NR1H4: variants seen among roughly 807,000 people sequenced by gnomAD.
NR1H4 encodes the protein bile acid receptor.
A neutral mutation model predicts 58.5 loss-of-function variants in NR1H4; 23 were observed. That is an observed-to-expected ratio of 0.39 (90% CI 0.28 to 0.56). NR1H4 has a LOEUF of 0.56. Among genes scored for constraint, NR1H4 ranks in the 20% least tolerant of loss-of-function variants. The pLI, the probability that NR1H4 is intolerant of heterozygous loss-of-function variation, is 0.58. For missense variants in NR1H4, 487 were observed against 576.9 expected, an observed-to-expected ratio of 0.84 and a Z score of 1.60; for synonymous variants, 214 against 198.0, an observed-to-expected ratio of 1.08 and a Z score of -0.68.
At chr12:100,523,564 G>A (rs780636435) in intron 4 of NR1H4, among the ~76,000 whole-genome samples, 5 of 151,916 alleles carry the variant, frequency 3.3e-5, no homozygotes, top group Non-Finnish European at 5.9e-5. Flanking sequence ...GTTTAATCAG[G>A]TCCCATTTAT....
chr12:100,479,538 A>G (rs1953336079), intron 1 of NR1H4, among the ~76,000 whole-genome samples: 1 of 152,150 alleles, frequency 6.6e-6, no homozygotes, highest in South Asian at 2.1e-4. Context: ...TTCCCTTCCT[A>G]TAGCCATCCC....
At chr12:100,494,452 A>T (rs1469429871) in intron 3 of NR1H4, among the ~76,000 whole-genome samples, 1 of 152,238 alleles carries the variant, frequency 6.6e-6, no homozygotes, top group Non-Finnish European at 1.5e-5. Flanking sequence ...GCACTTGATA[A>T]ATAAGAGTCC....
chr12:100,554,305 C>T (rs1955273274), intron 9 of NR1H4, among the ~76,000 whole-genome samples: 2 of 151,752 alleles, frequency 1.3e-5, no homozygotes, highest in African/African-American at 4.8e-5. Context: ...ATGCTCAGTC[C>T]ATCTTGAGGA....
At chr12:100,497,854 C>CATAAAAAACATAAAAA (rs1315011026) in intron 3 of NR1H4, among the ~76,000 whole-genome samples, 2 of 152,128 alleles carry the variant, frequency 1.3e-5, no homozygotes, top group African/African-American at 4.8e-5. Context: ...TTACTTTTAG[C>CATAAAAAACATAAAAA]AAATTATGTT....
chr12:100,511,054 G>T lies in NR1H4; in HGVS notation c.356G>T (p.Gly119Val). 6.2e-7 allele frequency: 1 copy of T among 1,614,264 alleles called. No individual in the cohort carries two copies. Among genetic ancestry groups the T allele is most frequent in the Non-Finnish European group, 8.5e-7 (1 of 1,180,046 alleles). ...AAGCCCCGCATGGGCGCGTCAGCAGGGAGGATCAAAGGGGATGAGCTGTGT... is the reference window on the plus strand; with the variant it reads ...AAGCCCCGCATGGGCGCGTCAGCAGTGAGGATCAAAGGGGATGAGCTGTGT... ...TKKPRMGASA[G>V]RIKGDELCVV... Residue 119 changes from glycine to valine, a missense_variant, in exon 4 of 11, where the codon GGG (glycine) becomes GTG (valine). Coordinates refer to ENST00000392986, the MANE Select transcript of NR1H4 (RefSeq NM_001206979.2).
chr12:100,550,470 T>A (rs1955179647), intron 9 of NR1H4, among the ~76,000 whole-genome samples: 1 of 152,264 alleles, frequency 6.6e-6, no homozygotes, highest in Non-Finnish European at 1.5e-5. Context: ...GTTCAGGCAA[T>A]TCTCCAGCCT....
chr12:100,521,904 G>C (rs148495125), intron 4 of NR1H4, among the ~76,000 whole-genome samples: 2,728 of 152,150 alleles, frequency 0.018, 79 homozygotes, highest in African/African-American at 0.061. Flanking sequence ...TGCAAGATGG[G>C]GTTCCAAACT....
At position 100,504,237 on chromosome 12, in the gene NR1H4, C is replaced by A. The variant is rs377417713; in HGVS notation, c.80-6541C>A. Among the ~76,000 whole-genome samples, 4 of 152,188 alleles carry A rather than the reference C, an allele frequency of 2.6e-5. No homozygotes were observed. In the East Asian group the frequency reaches 7.7e-4, roughly 29 times the overall value. On this transcript the variant is annotated intron_variant, in intron 3 of 10. Transcript: ENST00000392986. Reference sequence around the variant, plus strand: ...AATTAAAACACAGTATAATGTAAATCATATTTTAATATTTTTTAAAACAGA... The same window carrying A: ...AATTAAAACACAGTATAATGTAAATAATATTTTAATATTTTTTAAAACAGA...
chr12:100,563,670 A>G lies in NR1H4; in HGVS notation c.*181A>G, dbSNP rs149357389. The G allele has an allele frequency of 0.013, 7,807 of 610,034 alleles. 60 individuals carry two copies. The highest frequency in any genetic ancestry group is 0.023 in the Middle Eastern group (51 of 2,264). 37.8% of individuals were successfully genotyped at this position (610,034 alleles called of 1,614,324 possible). The stretch of plus-strand genomic sequence containing the variant: ...TGGGCTAGATAGAACAACTTTCTCT[A>G]CATTGTGTTTTAAAAGGCTCCAGGG... On this transcript the variant is annotated 3_prime_UTR_variant, in exon 11 of 11. Transcript: ENST00000392986.
At chr12:100,492,687 C>T (rs936616103) in intron 2 of NR1H4, 50 bp downstream of exon 2, 3 of 152,000 alleles carry the variant, frequency 2.0e-5, no homozygotes, top group South Asian at 2.1e-4. Context: ...TAAAAAGCCC[C>T]GGATCAATAC....
chr12:100,513,847 A>G (rs146509185), intron 4 of NR1H4, among the ~76,000 whole-genome samples: 19 of 142,706 alleles, frequency 1.3e-4, no homozygotes, highest in African/African-American at 4.8e-4. Context: ...GAAGGAAGGA[A>G]GGAAGGAAGG....
intron 1 of NR1H4, among the ~76,000 whole-genome samples, chr12:100,488,295 C>T (rs748193894): frequency 4.6e-5 from 7 of 152,160 alleles, no homozygotes; most frequent in Non-Finnish European, 1.0e-4. Flanking sequence ...CCACTGCATC[C>T]GGCCATAATG....
intron 4 of NR1H4, among the ~76,000 whole-genome samples, chr12:100,520,887 G>C (rs1261481466): frequency 1.3e-5 from 2 of 152,168 alleles, no homozygotes; most frequent in Admixed American, 6.5e-5. Flanking sequence ...GACTAGAAGG[G>C]AGGTGCAGAA....
intron 1 of NR1H4, among the ~76,000 whole-genome samples, chr12:100,486,623 A>G (rs1953497959): frequency 6.6e-6 from 1 of 152,210 alleles, no homozygotes; most frequent in African/African-American, 2.4e-5. Context: ...AGTGTGATAA[A>G]AGATATGATA....
intron 9 of NR1H4, among the ~76,000 whole-genome samples, chr12:100,558,373 AAAAG>A (rs1428015108): frequency 1.5e-5 from 2 of 131,958 alleles, no homozygotes; most frequent in African/African-American, 5.4e-5. Flanking sequence ...AAAAAAAAAA[AAAAG>A]AGACAGCATC....
At position 100,522,553 on chromosome 12, in the gene NR1H4, T is replaced by C. The variant is rs533324337; in HGVS notation, c.446-9905T>C. Among the ~76,000 whole-genome samples, 192 of 152,272 alleles carry C rather than the reference T, an allele frequency of 1.3e-3. 1 individual carries two copies. The highest frequency in any genetic ancestry group is 4.3e-3 in the African/African-American group (180 of 41,572). On this transcript the variant is annotated intron_variant, in intron 4 of 10. Transcript: ENST00000392986. ...GCACTCTTTTTAAAAAGTTTTTTTT[T>C]TTTTAGATTTCAATAGCTTTTGGGG...
At chr12:100,495,672 T>C (rs1953699209) in intron 3 of NR1H4, among the ~76,000 whole-genome samples, 1 of 151,546 alleles carries the variant, frequency 6.6e-6, no homozygotes, top group Non-Finnish European at 1.5e-5. Context: ...GAGGTTGCAG[T>C]GAGTCGAGAT....
At chr12:100,559,821 A>C (rs1955424199) in intron 9 of NR1H4, among the ~76,000 whole-genome samples, 1 of 152,256 alleles carries the variant, frequency 6.6e-6, no homozygotes, top group African/African-American at 2.4e-5. Context: ...TGCCGGATCC[A>C]CTAGGTGAAG....
chr12:100,480,943 G>C lies in NR1H4; in HGVS notation c.-190+6884G>C, dbSNP rs114923469. On this transcript the variant is annotated intron_variant, in intron 1 of 10. Coordinates refer to ENST00000392986, the MANE Select transcript of NR1H4 (RefSeq NM_001206979.2). ...AAGAGCTGGACTTCTTTCTCCATGA[G>C]ATTTTTAAATCTGAGATATCTGCAA... is the stretch of plus-strand genomic sequence containing the variant. Among the ~76,000 whole-genome samples the C allele has an allele frequency of 6.1e-3, 935 of 152,298 alleles. 11 individuals are homozygous for C. Among genetic ancestry groups the C allele is most frequent in the African/African-American group, 0.022 (909 of 41,554 alleles).
Sources: gnomAD v4.1 joint callset for allele counts (sites outside exome capture counted in the v4.1 genomes callset) on GRCh38, gnomAD v4.1.1 for gene constraint, MANE v1.5 for transcripts, NCBI Gene and HGNC (gene_info 2026-07-23, HGNC 2026-07-21) for gene names.